Variants in COG5 observed in about 807,000 individuals in gnomAD.
COG5 encodes the protein component of oligomeric golgi complex 5.
Under a neutral mutation model 110.4 loss-of-function variants are expected in COG5, and 86 were observed. That is an observed-to-expected ratio of 0.78 (90% CI 0.65 to 0.93). COG5 has a LOEUF of 0.93. Ranked by LOEUF, COG5 falls within the 40% of genes least tolerant of loss-of-function variation. The pLI, the probability that COG5 is intolerant of heterozygous loss-of-function variation, is 0.00. For missense variants in COG5, 1,077 were observed against 987.0 expected (o/e 1.09, Z -1.22); for synonymous variants, 360 against 334.6 (o/e 1.08, Z -0.83).
At position 107,345,987 on chromosome 7, in the gene COG5, C is replaced by A. The variant is rs140509754; in HGVS notation, c.1026+16046G>T. ...TTTTGTACAGCTTAAGTATAATACT[C>A]ATGCATTAATTATATAACAGAACCA... On this transcript the variant is annotated intron_variant, in intron 10 of 21. Coordinates refer to ENST00000297135, the MANE Select transcript of COG5 (RefSeq NM_006348.5). Among the ~76,000 whole-genome samples, 302 of 152,248 alleles carry A rather than the reference C, an allele frequency of 2.0e-3. 4 individuals are homozygous for A. In the East Asian group the frequency reaches 0.027, roughly 13 times the overall value.
intron 16 of COG5, among the ~76,000 whole-genome samples, chr7:107,252,758 GAAAAT>G (rs1348575051): frequency 1.3e-5 from 2 of 152,000 alleles, no homozygotes; most frequent in African/African-American, 4.8e-5. Flanking sequence ...TTTGATATTT[GAAAAT>G]AAATTACTAT....
chr7:107,536,678 C>A (rs1734736187), intron 5 of COG5, among the ~76,000 whole-genome samples: 1 of 152,114 alleles, frequency 6.6e-6, no homozygotes, highest in African/African-American at 2.4e-5. Context: ...ATGAAAATGG[C>A]CATTCTGCCC....
chr7:107,486,885 G>T lies in COG5; in HGVS notation c.538+40352C>A, dbSNP rs144857826. On this transcript the variant is annotated intron_variant, in intron 6 of 21. Transcript: ENST00000297135. ...GAGTTGTACAACTCCAGGAGGCACA[G>T]TTCACATTATAGTCTATGTGACAGT... Among the ~76,000 whole-genome samples the T allele has an allele frequency of 2.4e-3, 359 of 152,268 alleles. 2 individuals carry two copies. The highest frequency in any genetic ancestry group is 6.8e-3 in the Middle Eastern group (2 of 294).
At chr7:107,258,802 C>CA (rs774911750) in intron 14 of COG5, among the ~76,000 whole-genome samples, 2 of 149,830 alleles carry the variant, frequency 1.3e-5, no homozygotes, top group Non-Finnish European at 3.0e-5. Flanking sequence ...AATAAGCCCG[C>CA]AAAAAAAGGG....
chr7:107,524,787 T>C (rs1412832652), intron 6 of COG5, among the ~76,000 whole-genome samples: 1 of 152,234 alleles, frequency 6.6e-6, no homozygotes, highest in Non-Finnish European at 1.5e-5. Flanking sequence ...CCATGAACTA[T>C]ATCTTCTCAA....
intron 5 of COG5, among the ~76,000 whole-genome samples, chr7:107,537,738 TAAAAAAAAAAGAAAGAA>T (rs1374230524): frequency 7.2e-6 from 1 of 137,948 alleles, no homozygotes; most frequent in Non-Finnish European, 1.6e-5. Context: ...AAGTATAATT[TAAAAAAAAAAGAAAGAA>T]AAAAAAAAGA....
At chr7:107,551,554 CAAAAT>C (rs1385882258) in intron 3 of COG5, among the ~76,000 whole-genome samples, 7 of 152,132 alleles carry the variant, frequency 4.6e-5, no homozygotes. Flanking sequence ...TTCAGCATCT[CAAAAT>C]AACATCTAGA....
intron 12 of COG5, among the ~76,000 whole-genome samples, chr7:107,288,704 A>G (rs1369882665): frequency 6.6e-6 from 1 of 151,796 alleles, no homozygotes. Context: ...AAACAAGTCA[A>G]TTGCCAGATC....
At chr7:107,273,346 G>T (rs149132787) in intron 14 of COG5, among the ~76,000 whole-genome samples, 1 of 152,262 alleles carries the variant, frequency 6.6e-6, no homozygotes, top group African/African-American at 2.4e-5. Context: ...AGGAAGGAGG[G>T]TGCTCTGAGT....
intron 19 of COG5, among the ~76,000 whole-genome samples, chr7:107,225,296 T>A (rs2116346983): frequency 6.6e-6 from 1 of 152,322 alleles, no homozygotes; most frequent in East Asian, 1.9e-4. Context: ...TACATTTTTT[T>A]ATTACTTTTT....
At chr7:107,407,190 T>A (rs1384183473) in intron 7 of COG5, among the ~76,000 whole-genome samples, 1 of 152,134 alleles carries the variant, frequency 6.6e-6, no homozygotes, top group Non-Finnish European at 1.5e-5. Context: ...GAGACCAGTC[T>A]GGCCAACATG....
chr7:107,468,031 G>C (rs905002400), intron 6 of COG5, among the ~76,000 whole-genome samples: 15 of 152,218 alleles, frequency 9.9e-5, no homozygotes, highest in Admixed American at 4.6e-4. Flanking sequence ...TCAACAAAAG[G>C]AATCAAAGTT....
At position 107,362,413 on chromosome 7, in the gene COG5, A is replaced by G. The variant is rs769438564; in HGVS notation, c.843T>C (p.Pro281=). 6 of 1,611,634 alleles carry G rather than the reference A, an allele frequency of 3.7e-6. No individual in the cohort carries two copies. The South Asian group carries it at 6.6e-5, about 18-fold the overall frequency. The change falls in exon 9 of 22, where the codon CCT becomes CCC. Residue 281 remains proline, a synonymous_variant. Coordinates refer to ENST00000297135, the MANE Select transcript of COG5 (RefSeq NM_006348.5). ...QPSQSAVRGG[P]GRSTMPTPGN... is the part of the protein sequence containing the mutation. ...CTGGGGTTGGCATGGTAGATCGTCC[A>G]GGTCCCCCTGGTTATGAGTGAGAAA...
chr7:107,356,824 G>A (rs536292614), intron 10 of COG5, among the ~76,000 whole-genome samples: 9 of 152,072 alleles, frequency 5.9e-5, no homozygotes, highest in African/African-American at 1.9e-4. Context: ...TTATTCACAG[G>A]TGTAAAAGGC....
At chr7:107,451,113 C>T (rs1447750532) in intron 6 of COG5, among the ~76,000 whole-genome samples, 1 of 152,096 alleles carries the variant, frequency 6.6e-6, no homozygotes, top group Non-Finnish European at 1.5e-5. Flanking sequence ...ATCGCTGTTA[C>T]AGAAAAAGCC....
intron 17 of COG5, among the ~76,000 whole-genome samples, chr7:107,240,185 G>C (rs542618325): frequency 1.3e-5 from 2 of 152,090 alleles, no homozygotes; most frequent in Non-Finnish European, 2.9e-5. Context: ...CAAATACCAA[G>C]AAACCATGTT....
chr7:107,461,180 G>A (rs1795968328), intron 6 of COG5, among the ~76,000 whole-genome samples: 3 of 151,670 alleles, frequency 2.0e-5, no homozygotes, highest in South Asian at 2.1e-4. Context: ...GACTACATAG[G>A]CAAAAGATTT....
chr7:107,453,093 T>C (rs1186769582), intron 6 of COG5, among the ~76,000 whole-genome samples: 1 of 152,164 alleles, frequency 6.6e-6, no homozygotes, highest in East Asian at 1.9e-4. Context: ...CCTTATACCG[T>C]TTTGGACACA....
chr7:107,510,694 C>T (rs941523583), intron 6 of COG5, among the ~76,000 whole-genome samples: 13 of 152,310 alleles, frequency 8.5e-5, no homozygotes, highest in African/African-American at 3.1e-4. Flanking sequence ...AACAAACTGT[C>T]TCTCAGACCA....
Sources: gnomAD v4.1 joint callset for allele counts (sites outside exome capture counted in the v4.1 genomes callset) on GRCh38, gnomAD v4.1.1 for gene constraint, MANE v1.5 for transcripts, NCBI Gene and HGNC (gene_info 2026-07-23, HGNC 2026-07-21) for gene names.